LHPP: variants seen among roughly 807,000 people sequenced by gnomAD.
The protein encoded by LHPP is hLHPP.
A neutral mutation model predicts 30.3 loss-of-function variants in LHPP; 24 were observed. The ratio of observed to expected loss-of-function variants is 0.79; its 90% CI spans 0.57 to 1.11. The LOEUF is 1.11. Ranked by LOEUF, LHPP falls within the 50% of genes most tolerant of loss-of-function variation. The pLI is 0.00. For synonymous variants in LHPP, 150 were observed against 157.1 expected (o/e 0.95, Z 0.34); for missense variants, 356 against 367.2 (o/e 0.97, Z 0.25).
chr10:124,536,385 TC>T (rs1377755690), intron 6 of LHPP, among the ~76,000 whole-genome samples: 1 of 152,200 alleles, frequency 6.6e-6, no homozygotes, highest in Non-Finnish European at 1.5e-5. Flanking sequence ...CCAAATAGAC[TC>T]CTGCTCCTGC....
intron 6 of LHPP, among the ~76,000 whole-genome samples, chr10:124,561,285 C>A (rs1211615841): frequency 6.6e-6 from 1 of 152,148 alleles, no homozygotes; most frequent in Admixed American, 6.5e-5. Flanking sequence ...GGATCCTGGA[C>A]CAAAACACTG....
chr10:124,498,867 A>C (rs1003723275), intron 5 of LHPP: 17 of 203,832 alleles, frequency 8.3e-5, no homozygotes, highest in African/African-American at 1.9e-4. Flanking sequence ...GGTATATGCC[A>C]CCACGCCTGG....
chr10:124,527,335 C>T (rs898686024), intron 6 of LHPP, among the ~76,000 whole-genome samples: 1 of 152,206 alleles, frequency 6.6e-6, no homozygotes, highest in Non-Finnish European at 1.5e-5. Flanking sequence ...CTCAGAGGCC[C>T]CTGACTCCTG....
intron 1 of LHPP, among the ~76,000 whole-genome samples, chr10:124,467,957 G>A (rs560739457): frequency 6.6e-5 from 10 of 152,152 alleles, no homozygotes; most frequent in African/African-American, 1.4e-4. Flanking sequence ...TGATCCACTC[G>A]CCTGGGCCTC....
At chr10:124,552,726 A>G (rs12769242) in intron 6 of LHPP, among the ~76,000 whole-genome samples, 60,204 of 151,954 alleles carry the variant, frequency 0.4, 13,634 homozygotes, top group Non-Finnish European at 0.52. Context: ...AAATTCCCCA[A>G]GGTCCCCGCC....
At chr10:124,606,060 G>C (rs1014109094) in intron 6 of LHPP, among the ~76,000 whole-genome samples, 2 of 152,182 alleles carry the variant, frequency 1.3e-5, no homozygotes, top group African/African-American at 4.8e-5. Context: ...TACCTGGAGG[G>C]CCCACCCCAC....
rs535842990 is a variant in LHPP at position 124,564,125 on chromosome 10, A to T, written c.716+46854A>T. 1.0e-2 allele frequency among the ~76,000 whole-genome samples: 1,234 copies of T among 123,922 alleles called. 16 individuals are homozygous for T. The highest frequency in any genetic ancestry group is 0.034 in the African/African-American group (1,148 of 33,624). The allele number at this position is 123,922 out of a possible 152,430, so 81.3% of individuals were successfully genotyped here. On this transcript the variant is annotated intron_variant, in intron 6 of 6. Coordinates refer to ENST00000368842, the MANE Select transcript of LHPP (RefSeq NM_022126.4). ...AAGCACCCAGCTGATTTAAAAAAAA[A>T]TTTTTTTTTTTTTTTTGAGACGGAG...
chr10:124,511,749 T>C (rs778284245), intron 5 of LHPP, among the ~76,000 whole-genome samples: 4 of 152,194 alleles, frequency 2.6e-5, no homozygotes, highest in Admixed American at 6.5e-5. Context: ...TGGCTCCTGA[T>C]GATTCCTTGG....
At chr10:124,600,255 G>C (rs1023778245) in intron 6 of LHPP, among the ~76,000 whole-genome samples, 4 of 152,240 alleles carry the variant, frequency 2.6e-5, no homozygotes, top group African/African-American at 9.6e-5. Flanking sequence ...GTTTGGCGCA[G>C]CCCCGGCTTC....
intron 2 of LHPP, among the ~76,000 whole-genome samples, chr10:124,487,564 T>C (rs1429698076): frequency 6.6e-6 from 1 of 151,640 alleles, no homozygotes; most frequent in Non-Finnish European, 1.5e-5. Context: ...TGCCTCAGAC[T>C]CCTGAGTAGC....
intron 6 of LHPP, among the ~76,000 whole-genome samples, chr10:124,564,086 A>T (rs1203016081): frequency 2.0e-5 from 3 of 151,330 alleles, no homozygotes; most frequent in African/African-American, 7.3e-5. Flanking sequence ...GGCTGGACCT[A>T]CAGGTGCACA....
chr10:124,600,341 G>A (rs752114), intron 6 of LHPP, among the ~76,000 whole-genome samples: 6,533 of 152,330 alleles, frequency 0.043, 288 homozygotes, highest in East Asian at 0.19. Context: ...TGCCTGCTTC[G>A]CCAAAGGCAC....
intron 6 of LHPP, among the ~76,000 whole-genome samples, chr10:124,561,060 TC>T (rs1948387481): frequency 6.6e-6 from 1 of 152,116 alleles, no homozygotes; most frequent in Admixed American, 6.5e-5. Flanking sequence ...AGGGGTGAAT[TC>T]CCTGGGTTTC....
rs1190430106 is a variant in LHPP at position 124,502,667 on chromosome 10, CTTTTTTTTTTT to C, written c.624+4553_624+4563del. On this transcript the variant is annotated intron_variant, in intron 5 of 6. Coordinates refer to ENST00000368842, the MANE Select transcript of LHPP (RefSeq NM_022126.4). ...ACAGACGTGAGCCACCACGCCCAGC[CTTTTTTTTTTT>C]TTTTTTTTTTTTTGAGCAGGAATCT... Among the ~76,000 whole-genome samples the C allele has an allele frequency of 1.5e-3, 104 of 71,346 alleles. 2 individuals are homozygous for C. In the East Asian group the frequency reaches 0.036, roughly 24 times the overall value. 46.8% of individuals were successfully genotyped at this position (71,346 alleles called of 152,430 possible).
At chr10:124,578,451 G>T (rs1471207197) in intron 6 of LHPP, among the ~76,000 whole-genome samples, 3 of 152,246 alleles carry the variant, frequency 2.0e-5, no homozygotes, top group Non-Finnish European at 4.4e-5. Flanking sequence ...CATTTATTCA[G>T]CAGGGGTTCT....
intron 6 of LHPP, among the ~76,000 whole-genome samples, chr10:124,525,064 G>A (rs377081587): frequency 1.1e-4 from 16 of 152,192 alleles, no homozygotes; most frequent in Non-Finnish European, 2.1e-4. Context: ...CAGTGGCCGC[G>A]GTGACTGGGC....
chr10:124,469,907 G>A (rs1952677459), intron 1 of LHPP, among the ~76,000 whole-genome samples: 1 of 152,144 alleles, frequency 6.6e-6, no homozygotes, highest in African/African-American at 2.4e-5. Flanking sequence ...GGGATTGGAG[G>A]ATGCTGAGCG....
intron 6 of LHPP, among the ~76,000 whole-genome samples, chr10:124,563,589 TG>T (rs2133973089): frequency 6.6e-6 from 1 of 152,322 alleles, no homozygotes; most frequent in East Asian, 1.9e-4. Flanking sequence ...TTTATTTCAC[TG>T]TATCAATGTC....
intron 3 of LHPP, chr10:124,493,621 A>G (rs946685684): frequency 6.6e-6 from 1 of 152,214 alleles, no homozygotes; most frequent in Non-Finnish European, 1.5e-5. Flanking sequence ...TCAAGTGGTC[A>G]TTTGCAGGGA....
Sources: allele counts gnomAD v4.1 joint callset (sites outside exome capture counted in the v4.1 genomes callset), GRCh38; gene constraint gnomAD v4.1.1; transcripts MANE v1.5; gene names NCBI Gene and HGNC (gene_info 2026-07-23, HGNC 2026-07-21).